LRRC4C: variants seen among roughly 807,000 people sequenced by gnomAD.
LRRC4C encodes the protein leucine rich repeat containing 4C, also known as leucine-rich repeat-containing protein 4C.
LRRC4C carries 5 observed loss-of-function variants against 33.6 expected under a neutral mutation model. That is an observed-to-expected ratio of 0.15 (90% CI 0.08 to 0.31). The LOEUF (loss-of-function observed/expected upper bound fraction) is 0.31, where lower values mean the gene tolerates loss of function less well. Among genes scored for constraint, LRRC4C ranks in the 10% least tolerant of loss-of-function variants. LRRC4C has a pLI of 1.00. For missense variants in LRRC4C, 560 were observed against 796.7 expected (o/e 0.70, Z 3.58); for synonymous variants, 329 against 302.0 (o/e 1.09, Z -0.93).
intron 5 of LRRC4C, among the ~76,000 whole-genome samples, chr11:40,212,244 C>A: frequency 6.6e-6 from 1 of 152,030 alleles, no homozygotes; most frequent in East Asian, 1.9e-4. Context: ...TTGATATATT[C>A]ACCACCTGTT....
At chr11:40,250,321 A>G (rs1429909693) in intron 4 of LRRC4C, among the ~76,000 whole-genome samples, 1 of 152,182 alleles carries the variant, frequency 6.6e-6, no homozygotes, top group Non-Finnish European at 1.5e-5. Context: ...AAGCTTCCCT[A>G]TGTAATCTTT....
At chr11:40,125,966 G>C (rs1856192602) in intron 6 of LRRC4C, among the ~76,000 whole-genome samples, 2 of 152,078 alleles carry the variant, frequency 1.3e-5, no homozygotes, top group South Asian at 4.1e-4. Context: ...TAGTTCTGTA[G>C]ATTTTCAGGG....
At chr11:41,069,761 A>G (rs1289703110) in intron 1 of LRRC4C, among the ~76,000 whole-genome samples, 1 of 152,156 alleles carries the variant, frequency 6.6e-6, no homozygotes, top group African/African-American at 2.4e-5. Flanking sequence ...TCAAGGAAAT[A>G]AGAGAGGACA....
intron 5 of LRRC4C, among the ~76,000 whole-genome samples, chr11:40,142,618 G>A (rs1397436270): frequency 6.6e-6 from 1 of 152,094 alleles, no homozygotes. Flanking sequence ...CGACTCCCTT[G>A]CTTCTCCTCT....
chr11:40,116,842 G>C (rs1465649447), intron 6 of LRRC4C, among the ~76,000 whole-genome samples: 3 of 152,122 alleles, frequency 2.0e-5, no homozygotes, highest in African/African-American at 7.2e-5. Context: ...ATAATTTGTG[G>C]TTCCCAGTGC....
intron 1 of LRRC4C, among the ~76,000 whole-genome samples, chr11:41,054,008 G>A (rs1488683529): frequency 3.9e-5 from 6 of 152,162 alleles, no homozygotes; most frequent in Admixed American, 6.6e-5. Context: ...TCATAGGTTA[G>A]CATGACTGGA....
chr11:41,292,258 T>C (rs1950013965), intron 1 of LRRC4C, among the ~76,000 whole-genome samples: 1 of 152,156 alleles, frequency 6.6e-6, no homozygotes, highest in African/African-American at 2.4e-5. Context: ...TCGAGCCTAA[T>C]TATGGTTCTA....
intron 4 of LRRC4C, among the ~76,000 whole-genome samples, chr11:40,288,091 A>G (rs571679549): frequency 6.6e-6 from 1 of 152,326 alleles, no homozygotes; most frequent in South Asian, 2.1e-4. Context: ...CACGGCAGAC[A>G]GTTCCATGCA....
intron 2 of LRRC4C, among the ~76,000 whole-genome samples, chr11:40,805,297 C>A (rs1442053526): frequency 6.6e-6 from 1 of 152,080 alleles, no homozygotes; most frequent in Non-Finnish European, 1.5e-5. Flanking sequence ...GTAAAGCAGA[C>A]TCTAAAACTA....
chr11:40,549,371 C>T (rs968127655), intron 3 of LRRC4C, among the ~76,000 whole-genome samples: 1 of 152,118 alleles, frequency 6.6e-6, no homozygotes, highest in Non-Finnish European at 1.5e-5. Flanking sequence ...GAACACTTAC[C>T]TCTTCCCCTC....
At chr11:40,995,832 G>C (rs1014820856) in intron 1 of LRRC4C, among the ~76,000 whole-genome samples, 1 of 151,982 alleles carries the variant, frequency 6.6e-6, no homozygotes, top group Non-Finnish European at 1.5e-5. Flanking sequence ...CCATCAACTG[G>C]ACCCAGCCTA....
chr11:40,396,614 G>A (rs552306333), intron 3 of LRRC4C, among the ~76,000 whole-genome samples: 1 of 152,060 alleles, frequency 6.6e-6, no homozygotes, highest in Non-Finnish European at 1.5e-5. Flanking sequence ...ATTTAATAGA[G>A]AAACCTATTA....
intron 1 of LRRC4C, among the ~76,000 whole-genome samples, chr11:41,042,193 C>A (rs1857482201): frequency 6.6e-6 from 1 of 152,066 alleles, no homozygotes; most frequent in African/African-American, 2.4e-5. Flanking sequence ...TGATAGCAAA[C>A]CTGTTGGGTT....
chr11:40,708,671 G>C (rs1261285938), intron 2 of LRRC4C, among the ~76,000 whole-genome samples: 1 of 152,210 alleles, frequency 6.6e-6, no homozygotes, highest in African/African-American at 2.4e-5. Context: ...ATGTGGTGCT[G>C]AGAAGAATGT....
chr11:40,233,725 C>A (rs764329756), intron 5 of LRRC4C, among the ~76,000 whole-genome samples: 2 of 152,024 alleles, frequency 1.3e-5, no homozygotes, highest in Non-Finnish European at 2.9e-5. Context: ...ATTTAGTATT[C>A]ATTTTTAAAT....
At chr11:41,093,862 C>T (rs914610606) in intron 1 of LRRC4C, among the ~76,000 whole-genome samples, 3 of 138,356 alleles carry the variant, frequency 2.2e-5, no homozygotes, top group Non-Finnish European at 3.0e-5. Flanking sequence ...GAGACCAAGG[C>T]GGGCGGATCA....
chr11:40,879,026 C>A (rs542288138), intron 2 of LRRC4C, among the ~76,000 whole-genome samples: 1 of 152,196 alleles, frequency 6.6e-6, no homozygotes, highest in Non-Finnish European at 1.5e-5. Context: ...ATAAGTAATT[C>A]ATGACGGACA....
At chr11:40,998,122 T>G (rs755296811) in intron 1 of LRRC4C, among the ~76,000 whole-genome samples, 2 of 152,122 alleles carry the variant, frequency 1.3e-5, no homozygotes, top group African/African-American at 2.4e-5. Context: ...CAGGTTTCAA[T>G]AAATTCTAAA....
chr11:40,154,600 A>G (rs1467638954), intron 5 of LRRC4C, among the ~76,000 whole-genome samples: 16 of 152,226 alleles, frequency 1.1e-4, no homozygotes, highest in Non-Finnish European at 2.9e-5. Flanking sequence ...TGGTTAAAAG[A>G]GGCAAAGAGG....
Sources: allele counts gnomAD v4.1 joint callset (sites outside exome capture counted in the v4.1 genomes callset), GRCh38; gene constraint gnomAD v4.1.1; transcripts MANE v1.5; gene names NCBI Gene and HGNC (gene_info 2026-07-23, HGNC 2026-07-21).